The following RMP64 variants were observed in gnomAD, a reference collection of about 807,000 sequenced individuals.
RMP64 encodes nucleolus and neural progenitor protein.
chr3:113,017,347 G>T, the RMP64 span: 1 of 993,368 alleles, frequency 1.0e-6, no homozygotes, highest in Non-Finnish European at 1.5e-6. Flanking sequence ...GTAATTTACT[G>T]AGATTTCCAC....
the RMP64 span, chr3:113,011,195 G>A: frequency 1.9e-6 from 3 of 1,612,948 alleles, no homozygotes; most frequent in Non-Finnish European, 2.5e-6. Context: ...AGTTTATTTA[G>A]CAATTTATTT....
At chr3:113,019,392 T>A in the RMP64 span, 1 of 641,414 alleles carries the variant, frequency 1.6e-6, no homozygotes, top group Admixed American at 2.7e-5. Context: ...AGCAAAGTGC[T>A]GGGACCGCTC....
At chr3:113,019,503 C>A in the RMP64 span, 1 of 1,537,500 alleles carries the variant, frequency 6.5e-7, no homozygotes, top group Non-Finnish European at 9.0e-7. Context: ...CGGCCTCCCC[C>A]GGAAACGTTC....
At chr3:113,010,918 A>G in the RMP64 span, 2 of 914,176 alleles carry the variant, frequency 2.2e-6, no homozygotes, top group East Asian at 2.6e-5. Flanking sequence ...TCTAATCAAT[A>G]TGAGTCAAAA....
the RMP64 span, chr3:113,011,387 A>T: frequency 1.3e-6 from 2 of 1,593,806 alleles, no homozygotes; most frequent in Admixed American, 3.7e-5. Flanking sequence ...AACCTTTTTA[A>T]GACACCTTTA....
At chr3:113,010,507 C>T in the RMP64 span, 1 of 664,156 alleles carries the variant, frequency 1.5e-6, no homozygotes, top group East Asian at 2.7e-5. Flanking sequence ...CATTCAGAAG[C>T]ACACACTGAC....
the RMP64 span, chr3:113,008,849 A>G: frequency 6.0e-6 from 1 of 166,594 alleles, no homozygotes; most frequent in Non-Finnish European, 1.3e-5. Context: ...ATATCCTAAC[A>G]CACATATCTC....
chr3:113,019,517 C>T, the RMP64 span: 4 of 1,576,008 alleles, frequency 2.5e-6, no homozygotes, highest in African/African-American at 1.3e-5. Context: ...AACGTTCCCC[C>T]ATCCTCGCCC....
chr3:113,019,562 T>C, the RMP64 span: 1 of 1,613,700 alleles, frequency 6.2e-7, no homozygotes, highest in Admixed American at 1.7e-5. Context: ...GCCGGGGTTC[T>C]GCACTGTCAC....
At chr3:113,013,802 AC>A in the RMP64 span, 1 of 669,258 alleles carries the variant, frequency 1.5e-6, no homozygotes, top group Non-Finnish European at 2.7e-6. Flanking sequence ...ATTACCACAA[AC>A]ACCAGGTACC....
chr3:113,003,075 A>C, the RMP64 span: 4 of 152,808 alleles, frequency 2.6e-5, no homozygotes, highest in Non-Finnish European at 5.8e-5. Flanking sequence ...AGTTGGTACT[A>C]GGATGTGGGT....
At chr3:113,017,748 G>A in the RMP64 span, 2 of 658,478 alleles carry the variant, frequency 3.0e-6, no homozygotes, top group East Asian at 2.9e-5. Context: ...AAGAACGTAA[G>A]GATTCTAAGT....
At chr3:113,005,243 C>A in the RMP64 span, 1 of 373,110 alleles carries the variant, frequency 2.7e-6, no homozygotes, top group Non-Finnish European at 4.9e-6. Flanking sequence ...TTCAGTTTTT[C>A]AGAGACTTAC....
At chr3:113,009,412 C>T in the RMP64 span, 3 of 152,170 alleles carry the variant, frequency 2.0e-5, no homozygotes, top group Non-Finnish European at 4.4e-5. Flanking sequence ...TAAAGCTAAG[C>T]AAGTTAGTGC....
chr3:113,011,111 T>C, the RMP64 span: 8 of 1,612,970 alleles, frequency 5.0e-6, no homozygotes, highest in Admixed American at 1.2e-4. Flanking sequence ...TTGATCTTCA[T>C]TTGTTTAGCT....
the RMP64 span, chr3:113,006,110 G>C: frequency 1.3e-6 from 1 of 766,282 alleles, no homozygotes; most frequent in African/African-American, 1.8e-5. Flanking sequence ...TTATCTACAA[G>C]TCCTATGCCT....
chr3:113,019,462 AC>A, the RMP64 span: 2 of 1,189,596 alleles, frequency 1.7e-6, no homozygotes, highest in Non-Finnish European at 2.4e-6. Flanking sequence ...TCCCGGTACC[AC>A]CCCCGCCCAC....
chr3:113,007,952 C>T, the RMP64 span, among the ~76,000 whole-genome samples: 3 of 152,200 alleles, frequency 2.0e-5, no homozygotes, highest in Admixed American at 2.0e-4. Context: ...AAGAGCATAA[C>T]GGGGACTGAA....
At chr3:113,018,790 CAG>C in the RMP64 span, among the ~76,000 whole-genome samples, 1 of 152,194 alleles carries the variant, frequency 6.6e-6, no homozygotes, top group South Asian at 2.1e-4. Context: ...TCCCCCCAAA[CAG>C]CCCTATGAGG....
Sources: gnomAD v4.1 joint callset for allele counts (sites outside exome capture counted in the v4.1 genomes callset) on GRCh38, gnomAD v4.1.1 for gene constraint, MANE v1.5 for transcripts, NCBI Gene and HGNC (gene_info 2026-07-23, HGNC 2026-07-21) for gene names.